The following SNX29 variants were observed in gnomAD, a reference collection of about 807,000 sequenced individuals.
SNX29 encodes the protein sorting nexin 29, also known as sorting nexin-29.
Under a neutral mutation model 102.1 loss-of-function variants are expected in SNX29, and 78 were observed. The observed-to-expected ratio is 0.76, with a 90% CI of 0.64 to 0.92. The LOEUF (loss-of-function observed/expected upper bound fraction) is 0.92. Among genes scored for constraint, SNX29 ranks in the 40% least tolerant of loss-of-function variants. SNX29 has a pLI of 0.00. For missense variants in SNX29, 1,280 were observed against 1,061.7 expected, an observed-to-expected ratio of 1.21 and a Z score of -2.86; for synonymous variants, 580 against 414.5, an observed-to-expected ratio of 1.40 and a Z score of -4.85.
At chr16:12,225,821 C>G (rs531865024) in intron 14 of SNX29, among the ~76,000 whole-genome samples, 2 of 152,310 alleles carry the variant, frequency 1.3e-5, no homozygotes, top group East Asian at 3.9e-4. Context: ...TGTTGACTTT[C>G]TAGCATCCAG....
intron 16 of SNX29, among the ~76,000 whole-genome samples, chr16:12,388,932 A>C (rs1641882): frequency 0.33 from 49,496 of 152,110 alleles, 14,131 homozygotes; most frequent in African/African-American, 0.77. Flanking sequence ...GTGTCACTAG[A>C]GGATCAACCC....
At chr16:12,543,049 C>T (rs972843547) in intron 20 of SNX29, among the ~76,000 whole-genome samples, 1 of 152,156 alleles carries the variant, frequency 6.6e-6, no homozygotes, top group Non-Finnish European at 1.5e-5. Context: ...AAAAGTGTCA[C>T]CAGGACCCTG....
chr16:12,532,205 A>C (rs2076950654), intron 20 of SNX29, among the ~76,000 whole-genome samples: 1 of 152,206 alleles, frequency 6.6e-6, no homozygotes, highest in South Asian at 2.1e-4. Context: ...GCAAATAAAT[A>C]CTAATATGTT....
intron 20 of SNX29, among the ~76,000 whole-genome samples, chr16:12,551,199 T>G (rs189315295): frequency 4.7e-4 from 72 of 151,700 alleles, no homozygotes; most frequent in Non-Finnish European, 8.2e-4. Context: ...AGAGAGCCTT[T>G]AGGAACACAC....
intron 14 of SNX29, among the ~76,000 whole-genome samples, chr16:12,235,320 C>T (rs750960512): frequency 2.6e-5 from 4 of 152,174 alleles, no homozygotes; most frequent in Non-Finnish European, 5.9e-5. Flanking sequence ...CACCAGGCAT[C>T]CCGCAGTGCT....
chr16:12,528,119 C>G (rs1255065538), intron 20 of SNX29, among the ~76,000 whole-genome samples: 1 of 152,086 alleles, frequency 6.6e-6, no homozygotes, highest in Non-Finnish European at 1.5e-5. Context: ...GCCACCGCAC[C>G]TGGCCTGTTA....
intron 15 of SNX29, among the ~76,000 whole-genome samples, chr16:12,336,022 C>A (rs953584540): frequency 6.6e-6 from 1 of 152,098 alleles, no homozygotes; most frequent in African/African-American, 2.4e-5. Flanking sequence ...TTTGTGACAA[C>A]GGCCCAGCAC....
rs2078658985 is a variant in SNX29 at position 12,560,440 on chromosome 16, A to C, written c.2319-8066A>C. 2.0e-5 allele frequency among the ~76,000 whole-genome samples: 3 copies of C among 152,138 alleles called. No homozygotes were observed. In the South Asian group the frequency reaches 6.2e-4, roughly 32 times the overall value. ...CTGTCCTGTAGGCATCCATGTCCCC[A>C]GCCCCGAGTCTTTTGGGTTCTTGCC... On this transcript the variant is annotated intron_variant, in intron 20 of 20. Coordinates refer to ENST00000566228, the MANE Select transcript of SNX29 (RefSeq NM_032167.5).
intron 11 of SNX29, among the ~76,000 whole-genome samples, chr16:12,079,712 C>T (rs1156372487): frequency 6.6e-6 from 1 of 152,198 alleles, no homozygotes; most frequent in African/African-American, 2.4e-5. Context: ...GGAAATTTCT[C>T]TCTATCCAGA....
intron 12 of SNX29, 143 bp from the exon 13 acceptor site, chr16:12,129,487 A>T (rs1015575268): frequency 9.2e-7 from 1 of 1,089,646 alleles, no homozygotes; most frequent in African/African-American, 1.6e-5. Context: ...TCCAGTTCAC[A>T]TGAGATAGAC....
At chr16:12,542,090 T>C (rs565497824) in intron 20 of SNX29, among the ~76,000 whole-genome samples, 1 of 152,192 alleles carries the variant, frequency 6.6e-6, no homozygotes, top group East Asian at 1.9e-4. Flanking sequence ...TCCTGCAATA[T>C]TGTCTCTTCC....
At chr16:12,349,662 A>G (rs1257090566) in intron 15 of SNX29, among the ~76,000 whole-genome samples, 1 of 152,216 alleles carries the variant, frequency 6.6e-6, no homozygotes, top group South Asian at 2.1e-4. Context: ...AGCATTTTGG[A>G]TAAGGGATAC....
intron 13 of SNX29, among the ~76,000 whole-genome samples, chr16:12,177,397 A>G (rs2076284094): frequency 6.6e-6 from 1 of 152,186 alleles, no homozygotes; most frequent in African/African-American, 2.4e-5. Flanking sequence ...GATGCCAGTT[A>G]TATGATTTTT....
chr16:12,023,952 C>T (rs1056079781), intron 3 of SNX29, among the ~76,000 whole-genome samples: 8 of 152,258 alleles, frequency 5.3e-5, no homozygotes, highest in East Asian at 3.9e-4. Context: ...GAGACCATGT[C>T]GGTCACATTC....
chr16:12,065,592 A>G (rs1480312382), intron 9 of SNX29, among the ~76,000 whole-genome samples: 1 of 152,162 alleles, frequency 6.6e-6, no homozygotes, highest in Non-Finnish European at 1.5e-5. Flanking sequence ...GAGGTTGAGG[A>G]CAGACTGTGG....
intron 20 of SNX29, among the ~76,000 whole-genome samples, chr16:12,564,202 C>G (rs951074898): frequency 1.4e-5 from 2 of 144,436 alleles, no homozygotes; most frequent in Non-Finnish European, 3.0e-5. Flanking sequence ...GTCCTGGGCA[C>G]CATAGGGAGA....
At chr16:12,248,527 T>C (rs1364747785) in intron 14 of SNX29, among the ~76,000 whole-genome samples, 1 of 152,010 alleles carries the variant, frequency 6.6e-6, no homozygotes, top group East Asian at 1.9e-4. Context: ...TCCTGAGCGA[T>C]TACAGGCGTG....
intron 10 of SNX29, among the ~76,000 whole-genome samples, chr16:12,076,100 C>A (rs1012296522): frequency 1.3e-5 from 2 of 152,314 alleles, no homozygotes; most frequent in Non-Finnish European, 2.9e-5. Context: ...AAGGGAACTC[C>A]CTGACCCCTT....
chr16:12,471,990 C>G (rs1467785220), intron 18 of SNX29, among the ~76,000 whole-genome samples: 3 of 152,226 alleles, frequency 2.0e-5, no homozygotes, highest in African/African-American at 7.2e-5. Context: ...GCCACACACG[C>G]AAATGTTCAT....
Sources: gnomAD v4.1 joint callset for allele counts (sites outside exome capture counted in the v4.1 genomes callset) on GRCh38, gnomAD v4.1.1 for gene constraint, MANE v1.5 for transcripts, NCBI Gene and HGNC (gene_info 2026-07-23, HGNC 2026-07-21) for gene names.